INTS6: variants seen among roughly 807,000 people sequenced by gnomAD.
The protein encoded by INTS6 is DEAD box protein.
Under a neutral mutation model 104.9 loss-of-function variants are expected in INTS6, and 16 were observed. The observed-to-expected ratio is 0.15, with a 90% CI of 0.10 to 0.23. The LOEUF (loss-of-function observed/expected upper bound fraction) is 0.23, where lower values mean the gene tolerates loss of function less well. Ranked by LOEUF, INTS6 falls within the 10% of genes least tolerant of loss-of-function variation. INTS6 has a pLI of 1.00. For synonymous variants in INTS6, 324 were observed against 358.7 expected (o/e 0.90, Z 1.09); for missense variants, 584 against 1,062.8 (o/e 0.55, Z 6.26).
At chr13:51,383,275 T>C (rs1179118768) in intron 9 of INTS6, 54 bp downstream of exon 9, 3 of 1,483,918 alleles carry the variant, frequency 2.0e-6, no homozygotes, top group African/African-American at 2.8e-5. Flanking sequence ...AGAAATGCGC[T>C]TTAGGAGAAC....
intron 4 of INTS6, among the ~76,000 whole-genome samples, chr13:51,419,722 T>C (rs1486890414): frequency 6.6e-6 from 1 of 152,202 alleles, no homozygotes; most frequent in East Asian, 1.9e-4. Flanking sequence ...TCAATAAGCA[T>C]CTGTTCACTT....
At chr13:51,383,762 A>ACTG in intron 7 of INTS6, 21 bp from the exon 8 acceptor site, 1 of 1,561,538 alleles carries the variant, frequency 6.4e-7, no homozygotes, top group Non-Finnish European at 8.7e-7. Flanking sequence ...AAGTCTTGTA[A>ACTG]TTACTACTTA....
intron 3 of INTS6, chr13:51,436,882 T>C (rs1248565321): frequency 6.6e-6 from 1 of 152,160 alleles, no homozygotes; most frequent in African/African-American, 2.4e-5. Flanking sequence ...TATGCTGTCA[T>C]ATAAGGAGTA....
chr13:51,450,519 A>T, intron 3 of INTS6: 1 of 984,784 alleles, frequency 1.0e-6, no homozygotes. Flanking sequence ...TCAAAAGAAA[A>T]CTTAAATGTT....
chr13:51,436,139 C>T (rs912817901), intron 3 of INTS6, among the ~76,000 whole-genome samples: 29 of 152,016 alleles, frequency 1.9e-4, no homozygotes, highest in African/African-American at 4.8e-5. Flanking sequence ...CTGAAGGATA[C>T]GTTAGAAACT....
chr13:51,340,756 C>T, the INTS6 span: 1 of 361,528 alleles, frequency 2.8e-6, no homozygotes, highest in Non-Finnish European at 5.1e-6. Flanking sequence ...CTTTTCCCAA[C>T]ATAATGCTTT....
At chr13:51,401,267 C>T (rs570003341) in intron 4 of INTS6, among the ~76,000 whole-genome samples, 3 of 152,094 alleles carry the variant, frequency 2.0e-5, no homozygotes, top group Admixed American at 2.0e-4. Context: ...TTTTTATGTA[C>T]CTACCAAATA....
rs1955449992 is a variant in INTS6 at position 51,354,475 on chromosome 13, G to T, written n.431-139C>A. ...TATTAAGAAATACAAATGAATTGGA[G>T]CCTGGCACAGTGGGGCACACCTGCA... On this transcript the variant is annotated intron_variant and non_coding_transcript_variant, in intron 3 of 3. Coordinates refer to the INTS6 transcript ENST00000476666. 2 of 152,014 alleles carry T rather than the reference G, an allele frequency of 1.3e-5. 1 individual carries two copies. Among genetic ancestry groups the T allele is most frequent in the South Asian group, 4.2e-4 (2 of 4,802 alleles). The allele number at this position is 152,014 out of a possible 1,614,324, so 9.4% of individuals were successfully genotyped here. A position where few individuals can be genotyped will look rare whatever the true frequency, so the allele number is the denominator to read the frequency against.
chr13:51,386,832 ATTATT>A (rs1054199601), intron 7 of INTS6, among the ~76,000 whole-genome samples: 56 of 152,256 alleles, frequency 3.7e-4, no homozygotes, highest in African/African-American at 1.3e-3. Flanking sequence ...AATGTACCCT[ATTATT>A]TTAAGAATTA....
At chr13:51,370,543 AACAAG>A (rs1304032785) in intron 15 of INTS6, among the ~76,000 whole-genome samples, 1 of 152,154 alleles carries the variant, frequency 6.6e-6, no homozygotes. Flanking sequence ...AGAGCCAGCA[AACAAG>A]ACAAGGCGTT....
intron 4 of INTS6, among the ~76,000 whole-genome samples, chr13:51,411,412 G>T (rs1430502455): frequency 6.6e-6 from 1 of 151,490 alleles, no homozygotes; most frequent in African/African-American, 2.4e-5. Context: ...AATTAGCTGG[G>T]CATGGTGGCG....
chr13:51,342,474 G>T, the INTS6 span, among the ~76,000 whole-genome samples: 1 of 152,198 alleles, frequency 6.6e-6, no homozygotes, highest in African/African-American at 2.4e-5. Flanking sequence ...CAATGTCTAT[G>T]AACACAGTCA....
chr13:51,427,189 C>A (rs1052035150), intron 4 of INTS6, among the ~76,000 whole-genome samples: 2 of 152,086 alleles, frequency 1.3e-5, no homozygotes, highest in Middle Eastern at 3.4e-3. Context: ...ATAGGTCATA[C>A]CAACACCAGC....
intron 3 of INTS6, among the ~76,000 whole-genome samples, chr13:51,355,629 T>C (rs1398232401): frequency 1.3e-5 from 2 of 152,222 alleles, no homozygotes; most frequent in African/African-American, 4.8e-5. Context: ...ACCCATACTC[T>C]TACAACCTTG....
rs542193751 is a variant in INTS6 at position 51,403,453 on chromosome 13, G to A, written c.430-7970C>T. Among the ~76,000 whole-genome samples, 207 of 151,906 alleles carry A rather than the reference G, an allele frequency of 1.4e-3. 1 individual carries two copies. The highest frequency in any genetic ancestry group is 3.5e-3 in the African/African-American group (147 of 41,454). On this transcript the variant is annotated intron_variant, in intron 4 of 17. Transcript: ENST00000311234. Reference sequence around the variant, plus strand: ...AAAAATTATCCGGGCGTGGTGGCACGTGCCCGTAGTCCCAGCTACTCAGAA... The same window carrying A: ...AAAAATTATCCGGGCGTGGTGGCACATGCCCGTAGTCCCAGCTACTCAGAA...
intron 3 of INTS6, among the ~76,000 whole-genome samples, chr13:51,432,863 A>G (rs1026243424): frequency 5.3e-5 from 8 of 152,218 alleles, no homozygotes; most frequent in African/African-American, 1.9e-4. Context: ...TAAGTGTATG[A>G]TATATAATCT....
chr13:51,374,545 A>T (rs990309651), intron 14 of INTS6, 106 bp from the exon 15 acceptor site: 2 of 1,504,972 alleles, frequency 1.3e-6, no homozygotes, highest in African/African-American at 2.8e-5. Context: ...CATATTTATT[A>T]GATACTCTAC....
Position 51,367,782 on chromosome 13 carries a change from A to G in INTS6, c.2570+23T>C, listed in dbSNP as rs745612977. On this transcript the variant is annotated intron_variant, in intron 17 of 17. Coordinates refer to ENST00000311234, the MANE Select transcript of INTS6 (RefSeq NM_012141.3). ...TGTGGACTCATTTCATCACCATTTC[A>G]TTATATGCAATAGTTTATTTACCTT... 6.1e-6 allele frequency: 8 copies of G among 1,303,238 alleles called. No individual in the cohort carries two copies. The South Asian group carries it at 8.9e-5, about 14-fold the overall frequency. 80.7% of individuals were successfully genotyped at this position (1,303,238 alleles called of 1,614,324 possible). A position where few individuals can be genotyped will look rare whatever the true frequency, so the allele number is the denominator to read the frequency against.
Position 51,452,718 on chromosome 13 carries a change from C to G in INTS6, c.-193G>C. The G allele has an allele frequency of 7.7e-7, 1 of 1,293,700 alleles. No homozygotes were observed. Among genetic ancestry groups the G allele is most frequent in the South Asian group, 1.7e-5 (1 of 57,940 alleles). The allele number at this position is 1,293,700 out of a possible 1,614,324, so 80.1% of individuals were successfully genotyped here. ...TAGTTGAGAGGAAACTCCCCAGACC[C>G]AGTGCTCCCCGTCGTACCCCCGCCT... On this transcript the variant is annotated 5_prime_UTR_variant, in exon 1 of 18. Transcript: ENST00000311234. The surrounding 1 kb of genome is among the most constrained non-coding windows in gnomAD (Gnocchi z 4.2).
Sources: gnomAD v4.1 joint callset for allele counts (sites outside exome capture counted in the v4.1 genomes callset) on GRCh38, gnomAD v4.1.1 for gene constraint, Gnocchi (gnomAD v3.1) non-coding constraint, MANE v1.5 for transcripts, NCBI Gene and HGNC (gene_info 2026-07-23, HGNC 2026-07-21) for gene names.